The following PRR16 variants were observed in gnomAD, a reference collection of about 807,000 sequenced individuals.
PRR16 encodes the protein proline rich 16.
Under a neutral mutation model 18.2 loss-of-function variants are expected in PRR16, and 6 were observed. The observed-to-expected ratio is 0.33, with a 90% CI of 0.18 to 0.65. The LOEUF is 0.65. PRR16 is among the 30% of genes least tolerant of loss of function. The probability of loss-of-function intolerance (pLI) is 0.74; values close to 1 mark genes in which losing one functional copy is unlikely to be tolerated. For synonymous variants in PRR16, 151 were observed against 147.8 expected, an observed-to-expected ratio of 1.02 and a Z score of -0.16; for missense variants, 412 against 376.6, an observed-to-expected ratio of 1.09 and a Z score of -0.78.
At chr5:120,522,723 A>T (rs543068346) in intron 1 of PRR16, among the ~76,000 whole-genome samples, 51 of 152,160 alleles carry the variant, frequency 3.4e-4, no homozygotes, top group African/African-American at 1.2e-3. Context: ...CTCCTGCCTC[A>T]GCCTCCTGAG....
At position 120,628,711 on chromosome 5, in the gene PRR16, T is replaced by C. The variant is rs1157714309; in HGVS notation, c.160-57243T>C. Among the ~76,000 whole-genome samples, 29 of 126,544 alleles carry C rather than the reference T, an allele frequency of 2.3e-4. 1 individual carries two copies. In the East Asian group the frequency reaches 0.021, roughly 91 times the overall value. The allele number at this position is 126,544 out of a possible 152,430, so 83.0% of individuals were successfully genotyped here. A position where few individuals can be genotyped will look rare whatever the true frequency, so the allele number is the denominator to read the frequency against. On this transcript the variant is annotated intron_variant, in intron 1 of 1. Coordinates refer to ENST00000407149, the MANE Select transcript of PRR16 (RefSeq NM_001300783.2). ...TCATTCTACCATCTATCTATCTATC[T>C]ATCTATCTATCTATCTATCTATCTA...
At chr5:120,679,217 T>C (rs1388255754) in intron 1 of PRR16, among the ~76,000 whole-genome samples, 1 of 152,142 alleles carries the variant, frequency 6.6e-6, no homozygotes, top group Non-Finnish European at 1.5e-5. Flanking sequence ...ATAACCACAA[T>C]TATTTGGACA....
the PRR16 span, among the ~76,000 whole-genome samples, chr5:120,794,206 A>G: frequency 6.6e-6 from 1 of 152,130 alleles, no homozygotes; most frequent in African/African-American, 2.4e-5. Context: ...ATAGGTTAAA[A>G]TATATCTGAC....
At chr5:120,491,448 CCTTTCCTTTCCTT>C (rs1750039306) in intron 1 of PRR16, among the ~76,000 whole-genome samples, 2 of 88,964 alleles carry the variant, frequency 2.2e-5, no homozygotes, top group East Asian at 4.2e-4. Context: ...CCTTTCCTTT[CCTTTCCTTTCCTT>C]TCCTTTCCTT....
the PRR16 span, among the ~76,000 whole-genome samples, chr5:120,785,200 T>G: frequency 6.6e-6 from 1 of 152,206 alleles, no homozygotes; most frequent in African/African-American, 2.4e-5. Flanking sequence ...ATGAGAGTTT[T>G]GACAAGTGTC....
chr5:120,779,957 T>C, the PRR16 span, among the ~76,000 whole-genome samples: 2 of 152,206 alleles, frequency 1.3e-5, no homozygotes, highest in African/African-American at 2.4e-5. Flanking sequence ...TTTATATCTG[T>C]TGACTGTTTA....
the PRR16 span, among the ~76,000 whole-genome samples, chr5:120,776,708 AG>A: frequency 6.6e-6 from 1 of 152,158 alleles, no homozygotes; most frequent in Non-Finnish European, 1.5e-5. Context: ...AATTTCTCAT[AG>A]ATTATATTTG....
chr5:120,674,696 A>T (rs928086230), intron 1 of PRR16, among the ~76,000 whole-genome samples: 8 of 151,778 alleles, frequency 5.3e-5, no homozygotes, highest in Non-Finnish European at 8.8e-5. Context: ...TTCTTCCATT[A>T]TTTATTTTAT....
chr5:120,722,028 C>A, the PRR16 span, among the ~76,000 whole-genome samples: 6 of 152,024 alleles, frequency 3.9e-5, no homozygotes, highest in South Asian at 4.2e-4. Flanking sequence ...CCCCTAGCCC[C>A]CTACCTGCCA....
At chr5:120,498,885 G>A (rs564881168) in intron 1 of PRR16, among the ~76,000 whole-genome samples, 2 of 151,764 alleles carry the variant, frequency 1.3e-5, no homozygotes, top group Non-Finnish European at 2.9e-5. Flanking sequence ...AAAAATTTCT[G>A]CTGTCTTTTA....
chr5:120,574,322 C>G (rs114708792), intron 1 of PRR16, among the ~76,000 whole-genome samples: 159 of 152,078 alleles, frequency 1.0e-3, no homozygotes, highest in Non-Finnish European at 1.6e-3. Flanking sequence ...AGGAGGATGT[C>G]AGCTGGGCAC....
At chr5:120,615,288 G>C (rs1295076305) in intron 1 of PRR16, among the ~76,000 whole-genome samples, 4 of 151,444 alleles carry the variant, frequency 2.6e-5, no homozygotes, top group Non-Finnish European at 5.9e-5. Flanking sequence ...CCATTCTTTA[G>C]TGTCTCGATA....
intron 1 of PRR16, among the ~76,000 whole-genome samples, chr5:120,636,620 AC>A (rs1755236130): frequency 2.0e-5 from 3 of 152,176 alleles, no homozygotes; most frequent in Admixed American, 2.0e-4. Context: ...CTCACCTTAT[AC>A]AAAAATCAAC....
the PRR16 span, among the ~76,000 whole-genome samples, chr5:120,762,956 G>A: frequency 6.6e-6 from 1 of 152,102 alleles, no homozygotes; most frequent in East Asian, 1.9e-4. Context: ...TGTGTGGTAA[G>A]ATGGGTCTAG....
At chr5:120,654,820 C>G (rs559223371) in intron 1 of PRR16, among the ~76,000 whole-genome samples, 2 of 150,974 alleles carry the variant, frequency 1.3e-5, no homozygotes, top group African/African-American at 2.4e-5. Flanking sequence ...CTAAACAGTA[C>G]AAGACAGAAA....
At chr5:120,791,764 C>T in the PRR16 span, among the ~76,000 whole-genome samples, 1 of 151,900 alleles carries the variant, frequency 6.6e-6, no homozygotes. Context: ...TTGCTTATAA[C>T]AATTAAAAGA....
chr5:120,729,244 A>T, the PRR16 span, among the ~76,000 whole-genome samples: 1 of 152,158 alleles, frequency 6.6e-6, no homozygotes, highest in Non-Finnish European at 1.5e-5. Context: ...TAGTATCATA[A>T]ACATGGATGG....
the PRR16 span, among the ~76,000 whole-genome samples, chr5:120,784,826 TTC>T: frequency 4.6e-5 from 7 of 152,196 alleles, no homozygotes; most frequent in African/African-American, 1.4e-4. Context: ...TTATTCAAAA[TTC>T]TCTCTTCTCT....
At chr5:120,697,854 C>T in the PRR16 span, among the ~76,000 whole-genome samples, 1 of 143,606 alleles carries the variant, frequency 7.0e-6, no homozygotes, top group Admixed American at 6.8e-5. Context: ...TTAGTCAAAA[C>T]TTAAGACAAA....
Sources: gnomAD v4.1 joint callset for allele counts (sites outside exome capture counted in the v4.1 genomes callset) on GRCh38, gnomAD v4.1.1 for gene constraint, MANE v1.5 for transcripts, NCBI Gene and HGNC (gene_info 2026-07-23, HGNC 2026-07-21) for gene names.